Variants in PCYOX1L observed in about 807,000 individuals in gnomAD.
PCYOX1L encodes prenylcysteine oxidase 1-like.
Under a neutral mutation model 44.1 loss-of-function variants are expected in PCYOX1L, and 40 were observed. The observed-to-expected ratio is 0.91, with a 90% CI of 0.70 to 1.18. The LOEUF (loss-of-function observed/expected upper bound fraction) is 1.18, where lower values mean the gene tolerates loss of function less well. Ranked by LOEUF, PCYOX1L falls within the 50% of genes most tolerant of loss-of-function variation. The probability of loss-of-function intolerance (pLI) is 0.00; values close to 1 mark genes in which losing one functional copy is unlikely to be tolerated. For missense variants in PCYOX1L, 605 were observed against 653.3 expected (o/e 0.93, Z 0.81); for synonymous variants, 266 against 282.8 (o/e 0.94, Z 0.60).
intron 1 of PCYOX1L, among the ~76,000 whole-genome samples, chr5:149,358,878 A>G (rs1450626734): frequency 6.6e-6 from 1 of 152,082 alleles, no homozygotes; most frequent in Non-Finnish European, 1.5e-5. Context: ...CCCACCACCT[A>G]CATTCTGCCA....
At chr5:149,361,131 A>C (rs1757997394) in intron 1 of PCYOX1L, among the ~76,000 whole-genome samples, 1 of 152,200 alleles carries the variant, frequency 6.6e-6, no homozygotes, top group Non-Finnish European at 1.5e-5. Context: ...GTGTCAGGTG[A>C]GGCACAGTGG....
intron 2 of PCYOX1L, 124 bp downstream of exon 2, chr5:149,362,967 A>G: frequency 9.3e-6 from 10 of 1,070,482 alleles, no homozygotes; most frequent in Non-Finnish European, 1.4e-5. Flanking sequence ...CATTTTACAG[A>G]TGGAGCAACA....
In PCYOX1L at chr5:149,368,061, G is replaced by A. The variant is rs753883108; in HGVS notation, c.892G>A (p.Val298Met). 9 of 1,596,370 alleles carry A rather than the reference G, an allele frequency of 5.6e-6. No individual in the cohort carries two copies. Among genetic ancestry groups the A allele is most frequent in the Admixed American group, 3.4e-5 (2 of 57,990 alleles). ...VGNSSDFYDI[V>M]VIATPLHLDN... The stretch of plus-strand genomic sequence containing the variant: ...CAACAGCTCTGACTTCTATGACATC[G>A]TGGTCATCGCCACCCCCCTGCACCT... Residue 298 changes from valine (V) to methionine (M), a missense_variant, in exon 6 of 6, where the codon GTG becomes ATG. By Grantham distance (21) the Val-to-Met change is conservative (BLOSUM62 1). Coordinates refer to ENST00000274569, the MANE Select transcript of PCYOX1L (RefSeq NM_024028.4).
chr5:149,360,362 G>GA (rs909843582), intron 1 of PCYOX1L, among the ~76,000 whole-genome samples: 1 of 152,166 alleles, frequency 6.6e-6, no homozygotes, highest in South Asian at 2.1e-4. Context: ...AATTTCTCTG[G>GA]AAAAATGGGT....
chr5:149,362,909 C>T, intron 2 of PCYOX1L, 66 bp downstream of exon 2: 1 of 1,539,346 alleles, frequency 6.5e-7, no homozygotes, highest in Non-Finnish European at 8.9e-7. Context: ...CTGGGCCCTT[C>T]TCAGACTTCC....
chr5:149,358,067 C>T lies in PCYOX1L; in HGVS notation c.-2C>T, dbSNP rs763249637. 42 of 1,373,062 alleles carry T rather than the reference C, an allele frequency of 3.1e-5. 2 individuals are homozygous for T. The South Asian group carries it at 6.4e-4, about 21-fold the overall frequency. 85.1% of individuals were successfully genotyped at this position (1,373,062 alleles called of 1,614,324 possible). A position where few individuals can be genotyped will look rare whatever the true frequency, so the allele number is the denominator to read the frequency against. ...CGGCGTGCTGCCCGCTCGCCGCCCGCCATGGCCCGCGCAGCCCCGCTGCTC... is the reference window on the plus strand; with the variant it reads ...CGGCGTGCTGCCCGCTCGCCGCCCGTCATGGCCCGCGCAGCCCCGCTGCTC... On this transcript the variant is annotated 5_prime_UTR_variant, in exon 1 of 6. Transcript: ENST00000274569.
chr5:149,364,511 G>A (rs1269124662), intron 3 of PCYOX1L: 2 of 277,958 alleles, frequency 7.2e-6, no homozygotes, highest in Non-Finnish European at 1.4e-5. Flanking sequence ...ATGCGAGTCA[G>A]TGAATCAGCA....
chr5:149,368,481 G>C lies in PCYOX1L; in HGVS notation c.1312G>C (p.Ala438Pro), dbSNP rs1758313344. The C allele has an allele frequency of 6.2e-7, 1 of 1,612,830 alleles. No homozygotes were observed. Among genetic ancestry groups the C allele is most frequent in the Admixed American group, 1.7e-5 (1 of 59,944 alleles). ...YGSRPTLPRFALHDQLFYLNA... is the reference protein window; with the variant it reads ...YGSRPTLPRFPLHDQLFYLNA... ...CTCCCGCCCCACGCTCCCGAGGTTT[G>C]CACTCCATGACCAGCTCTTCTACCT... Residue 438 changes from alanine (A) to proline (P), a missense_variant, in exon 6 of 6, where the codon GCA becomes CCA. By Grantham distance (27) the Ala-to-Pro change is conservative (BLOSUM62 -1). Transcript: ENST00000274569.
At chr5:149,367,932 G>A in intron 5 of PCYOX1L, 61 bp from the exon 6 acceptor site, 2 of 1,496,562 alleles carry the variant, frequency 1.3e-6, no homozygotes, top group Non-Finnish European at 9.0e-7. Flanking sequence ...CTGGACCCCA[G>A]TAGGGAGTTC....
chr5:149,368,377 T>C lies in PCYOX1L; in HGVS notation c.1208T>C (p.Phe403Ser). The change falls in exon 6 of 6, where the codon TTT becomes TCT. Residue 403 changes from phenylalanine (F) to serine (S), a missense_variant. Phe to Ser is a radical substitution (Grantham distance 155). Transcript: ENST00000274569. ...VWRVQSPKPL[F>S]RTQLKTLFRS... is the part of the protein sequence containing the mutation. The stretch of plus-strand genomic sequence containing the variant: ...CGAGTCCAGTCCCCCAAGCCCCTCT[T>C]TCGGACCCAGCTAAAGACCCTGTTC... 1 of 1,614,140 alleles carries C rather than the reference T, an allele frequency of 6.2e-7. No individual in the cohort carries two copies. Among genetic ancestry groups the C allele is most frequent in the East Asian group, 2.2e-5 (1 of 44,872 alleles).
intron 5 of PCYOX1L, among the ~76,000 whole-genome samples, 172 bp downstream of exon 5, chr5:149,367,672 A>G (rs1031321423): frequency 2.0e-5 from 3 of 152,174 alleles, no homozygotes; most frequent in Admixed American, 1.3e-4. Flanking sequence ...TGTTTCCCCA[A>G]TTCAGATGTC....
chr5:149,367,418 G>A lies in PCYOX1L; in HGVS notation c.741G>A (p.Lys247=), dbSNP rs754781532. 37 of 1,613,960 alleles carry A rather than the reference G, an allele frequency of 2.3e-5. No individual in the cohort carries two copies. In the East Asian group the frequency reaches 7.8e-4, roughly 34 times the overall value. ...TGTGGTCTGTGGAAGGAGGCAATAA[G>A]CTGGTTTGTTCCGGTTTGCTGAAGC... ...GSLWSVEGGN[K]LVCSGLLKLT... is the part of the protein sequence containing the mutation. Residue 247 remains lysine, a synonymous_variant, in exon 5 of 6, where the codon AAG becomes AAA. Transcript: ENST00000274569.
rs776481312 is a variant in PCYOX1L, at chr5:149,362,695, T to C, written c.147T>C (p.Phe49=). Residue 49 remains phenylalanine, a synonymous_variant, in exon 2 of 6, where the codon TTT becomes TTC. Transcript: ENST00000274569. ...SAVAHFLQQH[F]GPRVQIDVYE... ...TGGCCCATTTTCTCCAGCAGCACTT[T>C]GGACCTCGGGTGCAGATCGACGTGT... 1 of 1,614,192 alleles carries C rather than the reference T, an allele frequency of 6.2e-7. No homozygotes were observed. Among genetic ancestry groups the C allele is most frequent in the Non-Finnish European group, 8.5e-7 (1 of 1,180,042 alleles).
intron 4 of PCYOX1L, 50 bp from the exon 5 acceptor site, chr5:149,367,309 CT>C: frequency 6.4e-7 from 1 of 1,573,288 alleles, no homozygotes; most frequent in Middle Eastern, 1.7e-4. Context: ...CCCAGCCCTC[CT>C]GCCCCACGGC....
At chr5:149,364,478 C>T (rs375744284) in intron 3 of PCYOX1L, 3 of 349,278 alleles carry the variant, frequency 8.6e-6, no homozygotes, top group East Asian at 5.2e-5. Context: ...CAAACTCAGT[C>T]GCTTAACAAG....
chr5:149,363,530 T>G, intron 2 of PCYOX1L: 1 of 215,684 alleles, frequency 4.6e-6, no homozygotes, highest in Non-Finnish European at 9.4e-6. Context: ...GGGGAAGTCT[T>G]TATGCCCAGA....
At chr5:149,365,688 A>C (rs2127614000) in intron 3 of PCYOX1L, 2 of 550,410 alleles carry the variant, frequency 3.6e-6, no homozygotes, top group East Asian at 6.2e-5. Flanking sequence ...GCAGTGATAC[A>C]GTTGTTACTC....
chr5:149,361,526 G>A (rs926798913), intron 1 of PCYOX1L, among the ~76,000 whole-genome samples: 1 of 152,226 alleles, frequency 6.6e-6, no homozygotes, highest in African/African-American at 2.4e-5. Context: ...GTACAGTAAA[G>A]ACAGTGTATG....
At chr5:149,360,643 G>A (rs1002343628) in intron 1 of PCYOX1L, among the ~76,000 whole-genome samples, 1 of 152,192 alleles carries the variant, frequency 6.6e-6, no homozygotes, top group Non-Finnish European at 1.5e-5. Flanking sequence ...CTCACCTCAG[G>A]TGGGTCAGTC....
Sources: allele counts gnomAD v4.1 joint callset (sites outside exome capture counted in the v4.1 genomes callset), GRCh38; gene constraint gnomAD v4.1.1; transcripts MANE v1.5; gene names NCBI Gene and HGNC (gene_info 2026-07-23, HGNC 2026-07-21).